The following PABPC4L variants were observed in gnomAD, a reference collection of about 807,000 sequenced individuals.
The protein encoded by PABPC4L is poly(A) binding protein cytoplasmic 4 like.
For missense variants in PABPC4L, 452 were observed against 451.4 expected (o/e 1.00, Z -0.01); for synonymous variants, 169 against 164.1 (o/e 1.03, Z -0.23).
the PABPC4L span, among the ~76,000 whole-genome samples, chr4:134,185,232 A>G: frequency 3.1e-4 from 47 of 151,938 alleles, no homozygotes; most frequent in Non-Finnish European, 5.7e-4. Flanking sequence ...CTCCACAACA[A>G]AAAAAAGAGA....
the PABPC4L span, among the ~76,000 whole-genome samples, chr4:134,171,962 G>A: frequency 4.0e-5 from 6 of 151,846 alleles, no homozygotes; most frequent in East Asian, 7.8e-4. Context: ...CCTAACAGGG[G>A]CATGAAATAT....
chr4:134,028,571 T>C, the PABPC4L span, among the ~76,000 whole-genome samples: 1 of 152,128 alleles, frequency 6.6e-6, no homozygotes, highest in Non-Finnish European at 1.5e-5. Context: ...TTTAGTGCAC[T>C]ATGTACCTTT....
the PABPC4L span, among the ~76,000 whole-genome samples, chr4:134,005,752 T>C: frequency 2.0e-5 from 3 of 151,772 alleles, no homozygotes; most frequent in South Asian, 6.2e-4. Flanking sequence ...CACTGGTTAA[T>C]TAAGAGATTA....
the PABPC4L span, among the ~76,000 whole-genome samples, chr4:134,119,214 C>G: frequency 2.0e-5 from 3 of 151,664 alleles, no homozygotes; most frequent in Admixed American, 6.6e-5. Context: ...TAGTACCAAT[C>G]TCTCTTTTAC....
At chr4:134,164,262 C>CAAAAAAA in the PABPC4L span, among the ~76,000 whole-genome samples, 28 of 34,182 alleles carry the variant, frequency 8.2e-4, 1 homozygote, top group Non-Finnish European at 1.1e-3. Flanking sequence ...GACTCCGTCT[C>CAAAAAAA]AAAAAAAAAA....
rs761230550 is a variant in PABPC4L at position 134,200,132 on chromosome 4, A to G, written c.888T>C (p.Tyr296=). The part of the protein sequence containing the change: ...RIRGCQGVKL[Y]IKNLDDTIDD... ...CGATGGTGTCATCAAGGTTCTTAATATAGAGTTTTACCCCCTGGCACCCAC... is the reference window on the plus strand; with the variant it reads ...CGATGGTGTCATCAAGGTTCTTAATGTAGAGTTTTACCCCCTGGCACCCAC... Residue 296 remains tyrosine (Y), a synonymous_variant, in exon 2 of 2, where the codon TAT becomes TAC. Coordinates refer to ENST00000421491, the MANE Select transcript of PABPC4L (RefSeq NM_001114734.2). The G allele has an allele frequency of 1.3e-6, 2 of 1,551,658 alleles. No homozygotes were observed. The highest frequency in any genetic ancestry group is 1.7e-6 in the Non-Finnish European group (2 of 1,146,956).
chr4:134,141,268 G>A, the PABPC4L span, among the ~76,000 whole-genome samples: 1 of 151,470 alleles, frequency 6.6e-6, no homozygotes, highest in Non-Finnish European at 1.5e-5. Context: ...ACTACTCCCT[G>A]TGGCTTTTCT....
At chr4:133,981,781 T>C in the PABPC4L span, among the ~76,000 whole-genome samples, 1 of 152,008 alleles carries the variant, frequency 6.6e-6, no homozygotes, top group Non-Finnish European at 1.5e-5. Context: ...AAATTGGTAC[T>C]TTTCATCAAT....
At chr4:134,084,991 A>T in the PABPC4L span, among the ~76,000 whole-genome samples, 4 of 152,106 alleles carry the variant, frequency 2.6e-5, no homozygotes, top group Admixed American at 2.6e-4. Context: ...TACCTCATAG[A>T]TTGAATACCA....
chr4:134,065,172 C>T, the PABPC4L span, among the ~76,000 whole-genome samples: 3 of 152,070 alleles, frequency 2.0e-5, no homozygotes, highest in African/African-American at 7.2e-5. Flanking sequence ...AATTGCCACA[C>T]TGCTTTCCAC....
chr4:134,118,349 T>A, the PABPC4L span, among the ~76,000 whole-genome samples: 4 of 151,866 alleles, frequency 2.6e-5, no homozygotes, highest in Admixed American at 2.6e-4. Flanking sequence ...GCTTTTCAGG[T>A]CTATGTGGAA....
the PABPC4L span, among the ~76,000 whole-genome samples, chr4:134,049,743 A>T: frequency 6.6e-6 from 1 of 152,316 alleles, no homozygotes; most frequent in African/African-American, 2.4e-5. Flanking sequence ...AGTGTTTTTT[A>T]AAAGATGTTG....
chr4:134,003,309 C>G, the PABPC4L span, among the ~76,000 whole-genome samples: 1 of 151,846 alleles, frequency 6.6e-6, no homozygotes, highest in Non-Finnish European at 1.5e-5. Context: ...CATGGAGAAC[C>G]CTACTCAACA....
chr4:134,149,142 C>A, the PABPC4L span, among the ~76,000 whole-genome samples: 2 of 152,054 alleles, frequency 1.3e-5, no homozygotes, highest in Middle Eastern at 3.2e-3. Context: ...GATAATTAAT[C>A]AGTCAATGTG....
the PABPC4L span, among the ~76,000 whole-genome samples, chr4:134,148,704 C>A: frequency 6.6e-6 from 1 of 152,060 alleles, no homozygotes; most frequent in Admixed American, 6.6e-5. Flanking sequence ...TTCCTTCTAC[C>A]CTCATTGCAC....
At chr4:134,039,341 G>A in the PABPC4L span, among the ~76,000 whole-genome samples, 4 of 152,058 alleles carry the variant, frequency 2.6e-5, no homozygotes, top group African/African-American at 9.7e-5. Flanking sequence ...TATTAGGTCT[G>A]CTTGGTCCAA....
chr4:134,067,528 C>T, the PABPC4L span, among the ~76,000 whole-genome samples: 7 of 151,970 alleles, frequency 4.6e-5, no homozygotes, highest in East Asian at 1.9e-4. Flanking sequence ...TAATTTCCTT[C>T]GGTTCAGCTC....
the PABPC4L span, among the ~76,000 whole-genome samples, chr4:134,083,798 C>T: frequency 6.6e-6 from 1 of 152,038 alleles, no homozygotes; most frequent in Non-Finnish European, 1.5e-5. Flanking sequence ...CATTCTAGAC[C>T]ACTTTATGCT....
chr4:134,199,427 A>G lies in PABPC4L; in HGVS notation c.*480T>C, dbSNP rs982714190. ...AATTAGGTCTTTAAATTCGTACTAT[A>G]AATTTCTAAAAGTTTGATTTCTCAA... On this transcript the variant is annotated 3_prime_UTR_variant, in exon 2 of 2. Transcript: ENST00000421491. The G allele has an allele frequency of 6.6e-6, 1 of 152,316 alleles. No individual in the cohort carries two copies. The highest frequency in any genetic ancestry group is 2.4e-5 in the African/African-American group (1 of 41,448). 9.4% of individuals were successfully genotyped at this position (152,316 alleles called of 1,614,324 possible). A position where few individuals can be genotyped will look rare whatever the true frequency, so the allele number is the denominator to read the frequency against.
Sources: gnomAD v4.1 joint callset for allele counts (sites outside exome capture counted in the v4.1 genomes callset) on GRCh38, gnomAD v4.1.1 for gene constraint, MANE v1.5 for transcripts, NCBI Gene and HGNC (gene_info 2026-07-23, HGNC 2026-07-21) for gene names.